CALD1: variants seen among roughly 807,000 people sequenced by gnomAD.
CALD1 encodes caldesmon.
In CALD1, 33 loss-of-function variants were observed where a neutral mutation model predicts 99.9. That is an observed-to-expected ratio of 0.33 (90% CI 0.25 to 0.44). CALD1 has a LOEUF of 0.44. Among genes scored for constraint, CALD1 ranks in the 20% least tolerant of loss-of-function variants. The pLI, the probability that CALD1 is intolerant of heterozygous loss-of-function variation, is 1.00. For synonymous variants in CALD1, 310 were observed against 325.0 expected, an observed-to-expected ratio of 0.95 and a Z score of 0.50; for missense variants, 861 against 962.1, an observed-to-expected ratio of 0.89 and a Z score of 1.39.
chr7:134,805,230 TAC>T (rs1183488939), intron 1 of CALD1, among the ~76,000 whole-genome samples: 1 of 152,230 alleles, frequency 6.6e-6, no homozygotes, highest in Non-Finnish European at 1.5e-5. Context: ...CATGTTCTGA[TAC>T]ACACAGTCTC....
intron 1 of CALD1, among the ~76,000 whole-genome samples, chr7:134,787,038 T>A (rs1797333301): frequency 6.6e-6 from 1 of 152,212 alleles, no homozygotes; most frequent in Non-Finnish European, 1.5e-5. Context: ...GAAACAGTTC[T>A]GTGCACCTAT....
intron 11 of CALD1, among the ~76,000 whole-genome samples, chr7:134,958,594 C>T (rs1239266972): frequency 1.3e-5 from 2 of 151,278 alleles, no homozygotes; most frequent in African/African-American, 4.9e-5. Context: ...TTAGTAGAGA[C>T]GGAGTTTCAC....
At chr7:134,924,802 C>T (rs745917425) in intron 3 of CALD1, among the ~76,000 whole-genome samples, 7 of 152,020 alleles carry the variant, frequency 4.6e-5, no homozygotes, top group Non-Finnish European at 8.8e-5. Context: ...AGAGAGAGAC[C>T]AGGTGGAGGT....
intron 3 of CALD1, among the ~76,000 whole-genome samples, chr7:134,905,117 TATC>T: frequency 6.6e-6 from 1 of 152,118 alleles, no homozygotes; most frequent in East Asian, 1.9e-4. Flanking sequence ...GTGGTGTTAC[TATC>T]ATCAATGAAA....
At position 134,860,691 on chromosome 7, in the gene CALD1, C is replaced by T. The variant is rs137946632; in HGVS notation, c.-41-7002C>T. On this transcript the variant is annotated intron_variant, in intron 2 of 14. Coordinates refer to ENST00000361675, the MANE Select transcript of CALD1 (RefSeq NM_033138.4). ...ACAAAAGCATATGGAAAGTAAAATA[C>T]TAATACAAATATTTAAAGACTAGCT... Among the ~76,000 whole-genome samples, 218 of 152,268 alleles carry T rather than the reference C, an allele frequency of 1.4e-3. 2 individuals carry two copies. Among genetic ancestry groups the T allele is most frequent in the African/African-American group, 5.0e-3 (208 of 41,560 alleles).
intron 11 of CALD1, 88 bp downstream of exon 11, chr7:134,958,378 T>C (rs1028837655): frequency 4.9e-5 from 49 of 996,256 alleles, no homozygotes; most frequent in Non-Finnish European, 7.6e-5. Context: ...AGGACAATAA[T>C]CAAGTCCAAT....
chr7:134,901,760 G>GTT (rs34609620), intron 3 of CALD1, among the ~76,000 whole-genome samples: 2,057 of 152,100 alleles, frequency 0.014, 22 homozygotes, highest in Non-Finnish European at 0.02. Context: ...TTAGGCCATC[G>GTT]TAACTCCAGT....
chr7:134,889,899 T>G (rs1802063506), intron 3 of CALD1, among the ~76,000 whole-genome samples: 1 of 152,116 alleles, frequency 6.6e-6, no homozygotes, highest in South Asian at 2.1e-4. Flanking sequence ...TGACTTCATT[T>G]TTTGTTTTGT....
At chr7:134,967,957 A>C (rs755382961) in intron 14 of CALD1, among the ~76,000 whole-genome samples, 1 of 152,106 alleles carries the variant, frequency 6.6e-6, no homozygotes, top group Non-Finnish European at 1.5e-5. Flanking sequence ...CAGCCTGGCC[A>C]ACATATAGGG....
At chr7:134,804,678 T>A (rs1479273219) in intron 1 of CALD1, among the ~76,000 whole-genome samples, 2 of 152,252 alleles carry the variant, frequency 1.3e-5, no homozygotes, top group African/African-American at 4.8e-5. Context: ...CAACATTTCT[T>A]AGAACTTAAT....
chr7:134,881,000 G>A (rs1361194808), intron 3 of CALD1, among the ~76,000 whole-genome samples: 1 of 152,100 alleles, frequency 6.6e-6, no homozygotes, highest in Non-Finnish European at 1.5e-5. Context: ...TATAAATGAT[G>A]TCTCATTGTG....
chr7:134,731,066 C>G, the CALD1 span, among the ~76,000 whole-genome samples: 11 of 152,138 alleles, frequency 7.2e-5, no homozygotes, highest in African/African-American at 2.7e-4. Flanking sequence ...TCCTCCACAG[C>G]TAACCTGCCA....
intron 6 of CALD1, among the ~76,000 whole-genome samples, chr7:134,938,059 A>ATGCACCTAATAAGAC (rs1317244561): frequency 2.0e-5 from 3 of 152,094 alleles, no homozygotes; most frequent in African/African-American, 7.2e-5. Context: ...GTGCATGCAA[A>ATGCACCTAATAAGAC]TCACCTGGCA....
chr7:134,798,145 G>A (rs752914195), intron 1 of CALD1, among the ~76,000 whole-genome samples: 2 of 152,182 alleles, frequency 1.3e-5, no homozygotes, highest in Non-Finnish European at 2.9e-5. Flanking sequence ...TTCATATGGG[G>A]AAAATGTAAT....
At chr7:134,872,037 A>G (rs1801106642) in intron 3 of CALD1, among the ~76,000 whole-genome samples, 1 of 152,144 alleles carries the variant, frequency 6.6e-6, no homozygotes, top group African/African-American at 2.4e-5. Context: ...AGCCCAGTTC[A>G]TTTCAAATAA....
intron 9 of CALD1, 78 bp downstream of exon 9, chr7:134,950,592 A>C: frequency 8.9e-7 from 1 of 1,129,168 alleles, no homozygotes; most frequent in Non-Finnish European, 1.3e-6. Context: ...TATTGATTAT[A>C]CAGGGCCTTT....
chr7:134,956,213 A>G (rs979123139), intron 9 of CALD1, among the ~76,000 whole-genome samples: 2 of 152,008 alleles, frequency 1.3e-5, no homozygotes, highest in Non-Finnish European at 2.9e-5. Flanking sequence ...CTGTTATTCA[A>G]CTGATATTAG....
chr7:134,766,081 T>C (rs1194656973), intron 1 of CALD1, among the ~76,000 whole-genome samples: 1 of 151,368 alleles, frequency 6.6e-6, no homozygotes, highest in Non-Finnish European at 1.5e-5. Flanking sequence ...GGGCAGGTGC[T>C]GGTACCATGC....
chr7:134,908,188 G>T (rs1388479739), intron 3 of CALD1, among the ~76,000 whole-genome samples: 3 of 152,178 alleles, frequency 2.0e-5, no homozygotes, highest in Non-Finnish European at 4.4e-5. Context: ...CGATGAAGGT[G>T]ATACTGGACT....
Sources: allele counts gnomAD v4.1 joint callset (sites outside exome capture counted in the v4.1 genomes callset), GRCh38; gene constraint gnomAD v4.1.1; transcripts MANE v1.5; gene names NCBI Gene and HGNC (gene_info 2026-07-23, HGNC 2026-07-21).